The following AUTS2 variants were observed in gnomAD, a reference collection of about 807,000 sequenced individuals.
AUTS2 encodes autism susceptibility gene 2 protein.
A neutral mutation model predicts 112.4 loss-of-function variants in AUTS2; 17 were observed. That is an observed-to-expected ratio of 0.15 (90% CI 0.10 to 0.23). AUTS2 has a LOEUF of 0.23. Among genes scored for constraint, AUTS2 ranks in the 10% least tolerant of loss-of-function variants. The pLI is 1.00. For missense variants in AUTS2, 1,510 were observed against 1,701.6 expected (o/e 0.89, Z 1.98); for synonymous variants, 751 against 702.7 (o/e 1.07, Z -1.09).
intron 4 of AUTS2, among the ~76,000 whole-genome samples, chr7:70,254,244 C>A (rs1338938829): frequency 6.6e-6 from 1 of 152,100 alleles, no homozygotes; most frequent in African/African-American, 2.4e-5. Context: ...ACAAAATATT[C>A]TACTCTAAAA....
chr7:69,997,210 T>G (rs947070374), intron 2 of AUTS2, among the ~76,000 whole-genome samples: 1 of 152,216 alleles, frequency 6.6e-6, no homozygotes, highest in Non-Finnish European at 1.5e-5. Flanking sequence ...AGATGAGAAA[T>G]TATAGAGGCT....
rs1792079001 is a variant in AUTS2 at position 70,793,282 on chromosome 7, G to C, written c.*2286G>C. The C allele has an allele frequency of 6.6e-6, 1 of 152,158 alleles. No homozygotes were observed. Among genetic ancestry groups the C allele is most frequent in the African/African-American group, 2.4e-5 (1 of 41,454 alleles). The allele number at this position is 152,158 out of a possible 1,614,324, so 9.4% of individuals were successfully genotyped here. A position where few individuals can be genotyped will look rare whatever the true frequency, so the allele number is the denominator to read the frequency against. On this transcript the variant is annotated 3_prime_UTR_variant, in exon 19 of 19. Transcript: ENST00000342771. ...TTCTGACCTAGGGCCTGTGACAACA[G>C]TTTTTGCTTGCTCGTTGTATTGCAT...
chr7:70,212,128 G>T (rs1810939986), intron 4 of AUTS2, among the ~76,000 whole-genome samples: 1 of 152,190 alleles, frequency 6.6e-6, no homozygotes, highest in Non-Finnish European at 1.5e-5. Flanking sequence ...CATGAAAATA[G>T]AAGGACCTTA....
chr7:69,716,204 T>TA (rs1180467587), intron 1 of AUTS2, among the ~76,000 whole-genome samples: 1 of 152,058 alleles, frequency 6.6e-6, no homozygotes, highest in African/African-American at 2.4e-5. Context: ...GGTTTTCAGA[T>TA]ACTCTGTGTG....
At chr7:70,407,035 G>A (rs1279013087) in intron 4 of AUTS2, among the ~76,000 whole-genome samples, 1 of 152,114 alleles carries the variant, frequency 6.6e-6, no homozygotes, top group African/African-American at 2.4e-5. Flanking sequence ...AACTGAGCTG[G>A]CCAAATAATC....
rs771627233 is a variant in AUTS2 at position 70,777,213 on chromosome 7, C to T, written c.2004+39C>T. ...TCGTGGTGTAGGGAAGAATGGGATG[C>T]ACATGTGAGTGTGTGACGTGCTCGG... On this transcript the variant is annotated intron_variant, in intron 14 of 18. Coordinates refer to ENST00000342771, the MANE Select transcript of AUTS2 (RefSeq NM_015570.4). 4.5e-6 allele frequency: 7 copies of T among 1,571,122 alleles called. No individual in the cohort carries two copies. The South Asian group carries it at 5.5e-5, about 12-fold the overall frequency.
intron 5 of AUTS2, among the ~76,000 whole-genome samples, chr7:70,659,206 C>T (rs771035741): frequency 3.9e-5 from 6 of 152,198 alleles, no homozygotes; most frequent in African/African-American, 1.4e-4. Flanking sequence ...CGGCACCTGA[C>T]CTCTGAATTC....
rs1198378012 is a variant in AUTS2, at chr7:70,715,618, G to A, written c.742+16998G>A. Among the ~76,000 whole-genome samples the A allele has an allele frequency of 2.6e-5, 4 of 151,378 alleles. No homozygotes were observed. In the South Asian group the frequency reaches 6.3e-4, roughly 24 times the overall value. ...ATGATCTCAGCTCACTGCAACCTTC[G>A]CCTCCTGGACTCTAGTGATTCTCCT... On this transcript the variant is annotated intron_variant, in intron 6 of 18. Transcript: ENST00000342771.
intron 4 of AUTS2, among the ~76,000 whole-genome samples, chr7:70,377,759 T>C (rs1049125765): frequency 2.0e-5 from 3 of 151,236 alleles, no homozygotes; most frequent in Admixed American, 1.3e-4. Flanking sequence ...TTATTTCGCT[T>C]AGGATAATGT....
intron 1 of AUTS2, among the ~76,000 whole-genome samples, chr7:69,604,499 C>T (rs1792605065): frequency 6.6e-6 from 1 of 152,156 alleles, no homozygotes. Context: ...CAACTAAGCG[C>T]CATAGGCTTT....
chr7:69,791,258 G>GTGCAC (rs1789595402), intron 1 of AUTS2, among the ~76,000 whole-genome samples: 1 of 152,190 alleles, frequency 6.6e-6, no homozygotes, highest in Non-Finnish European at 1.5e-5. Flanking sequence ...TCTGCATTTA[G>GTGCAC]TGCACTTGGC....
chr7:70,785,100 C>G (rs1309799846), intron 16 of AUTS2, 81 bp downstream of exon 16: 5 of 1,467,250 alleles, frequency 3.4e-6, no homozygotes, highest in Non-Finnish European at 3.8e-6. Context: ...GCTGCACCTC[C>G]GGGCAAGCTG....
chr7:69,796,733 T>C (rs1441106693), intron 1 of AUTS2, among the ~76,000 whole-genome samples: 2 of 152,204 alleles, frequency 1.3e-5, no homozygotes, highest in East Asian at 3.9e-4. Context: ...TTTTTTGTTA[T>C]AGAGTGGTAA....
At chr7:69,623,381 ATTTTTTTT>A (rs56204810) in intron 1 of AUTS2, among the ~76,000 whole-genome samples, 142 of 71,944 alleles carry the variant, frequency 2.0e-3, no homozygotes, top group African/African-American at 6.5e-3. Context: ...ACGCCCAGCA[ATTTTTTTT>A]TTTTTTTTTT....
At chr7:70,127,086 CA>C (rs1425556097) in intron 3 of AUTS2, among the ~76,000 whole-genome samples, 5 of 150,088 alleles carry the variant, frequency 3.3e-5, no homozygotes, top group Non-Finnish European at 5.9e-5. Context: ...CTCGGACTTC[CA>C]AAGTGCTGGA....
intron 1 of AUTS2, among the ~76,000 whole-genome samples, chr7:69,659,206 A>G (rs998675522): frequency 6.6e-6 from 1 of 152,144 alleles, no homozygotes; most frequent in African/African-American, 2.4e-5. Context: ...AACTGGAACT[A>G]TTGTTTGGTC....
intron 13 of AUTS2, 139 bp downstream of exon 13, chr7:70,775,525 A>G: frequency 2.3e-5 from 16 of 709,276 alleles, no homozygotes; most frequent in Non-Finnish European, 2.8e-5. Flanking sequence ...GGTTTTTCAG[A>G]TAGTGTGATT....
chr7:69,633,186 A>G (rs1794349998), intron 1 of AUTS2, among the ~76,000 whole-genome samples: 1 of 152,030 alleles, frequency 6.6e-6, no homozygotes, highest in Non-Finnish European at 1.5e-5. Flanking sequence ...AGATCATGCA[A>G]TATTTTTTTT....
At chr7:70,314,110 G>A (rs946352442) in intron 4 of AUTS2, among the ~76,000 whole-genome samples, 5 of 152,182 alleles carry the variant, frequency 3.3e-5, no homozygotes, top group African/African-American at 1.2e-4. Flanking sequence ...TCATTAGGAT[G>A]TAGCCCCTTG....
Sources: gnomAD v4.1 joint callset for allele counts (sites outside exome capture counted in the v4.1 genomes callset) on GRCh38, gnomAD v4.1.1 for gene constraint, MANE v1.5 for transcripts, NCBI Gene and HGNC (gene_info 2026-07-23, HGNC 2026-07-21) for gene names.